Variants in CEP85L observed in about 807,000 individuals in gnomAD.
The protein encoded by CEP85L is centrosomal protein of 85 kDa-like.
CEP85L carries 60 observed loss-of-function variants against 100.3 expected under a neutral mutation model. That is an observed-to-expected ratio of 0.60 (90% CI 0.49 to 0.74). The LOEUF is 0.74. Among genes scored for constraint, CEP85L ranks in the 30% least tolerant of loss-of-function variants. The pLI is 0.00. For missense variants in CEP85L, 973 were observed against 936.2 expected (o/e 1.04, Z -0.51); for synonymous variants, 319 against 322.7 (o/e 0.99, Z 0.12).
At chr6:118,567,143 G>A (rs953514223) in intron 2 of CEP85L, among the ~76,000 whole-genome samples, 5 of 150,794 alleles carry the variant, frequency 3.3e-5, no homozygotes, top group Middle Eastern at 3.6e-3. Context: ...GTCCCAAAGG[G>A]TTCACTTCCA....
chr6:118,682,610 G>A (rs1380735901), intron 1 of CEP85L, among the ~76,000 whole-genome samples: 1 of 151,978 alleles, frequency 6.6e-6, no homozygotes, highest in Non-Finnish European at 1.5e-5. Flanking sequence ...TACCCAAAGA[G>A]CACAAGGAAC....
At chr6:118,572,672 CTATA>C (rs1397858705) in intron 2 of CEP85L, among the ~76,000 whole-genome samples, 2 of 152,046 alleles carry the variant, frequency 1.3e-5, no homozygotes, top group Admixed American at 1.3e-4. Flanking sequence ...AGGAGTGGGG[CTATA>C]TAAAGTAATT....
intron 3 of CEP85L, among the ~76,000 whole-genome samples, chr6:118,529,552 G>A (rs1334511371): frequency 7.0e-6 from 1 of 142,028 alleles, no homozygotes; most frequent in Admixed American, 7.4e-5. Context: ...ACCTTGCAGT[G>A]AGCCGAGATC....
chr6:118,626,750 AGCCT>A (rs1298254039), intron 2 of CEP85L, among the ~76,000 whole-genome samples: 1 of 152,214 alleles, frequency 6.6e-6, no homozygotes, highest in Non-Finnish European at 1.5e-5. Context: ...CGCCGCAGTC[AGCCT>A]CCACACCAAT....
chr6:118,648,547 C>G (rs931828176), intron 1 of CEP85L, among the ~76,000 whole-genome samples: 1 of 152,002 alleles, frequency 6.6e-6, no homozygotes, highest in Non-Finnish European at 1.5e-5. Flanking sequence ...CGAGACCACC[C>G]TGGGTAACAC....
chr6:118,537,398 G>A, intron 3 of CEP85L: 3 of 403,972 alleles, frequency 7.4e-6, no homozygotes, highest in Non-Finnish European at 1.0e-5. Flanking sequence ...AACTCAGGGA[G>A]CACTGGGAAG....
chr6:118,473,949 C>CT (rs917947948), intron 10 of CEP85L, among the ~76,000 whole-genome samples: 3 of 152,084 alleles, frequency 2.0e-5, no homozygotes, highest in Non-Finnish European at 4.4e-5. Context: ...AAAAAAGAGC[C>CT]TTTTTTAATG....
upstream of CEP85L, among the ~76,000 whole-genome samples, chr6:118,655,739 G>A (rs1469179585): frequency 6.6e-6 from 1 of 152,220 alleles, no homozygotes; most frequent in Non-Finnish European, 1.5e-5. Context: ...CAGTGGAAAA[G>A]GGGATTTTCA....
At chr6:118,689,472 A>G (rs369489881) in intron 1 of CEP85L, among the ~76,000 whole-genome samples, 4 of 152,348 alleles carry the variant, frequency 2.6e-5, no homozygotes, top group East Asian at 3.9e-4. Flanking sequence ...AGGAATGAGA[A>G]GAGATGGGGA....
chr6:118,652,696 T>G (rs1482125914), upstream of CEP85L: 1 of 1,536,742 alleles, frequency 6.5e-7, no homozygotes, highest in Non-Finnish European at 8.8e-7. Flanking sequence ...GTTCTATCAC[T>G]TACCACATCC....
intron 2 of CEP85L, among the ~76,000 whole-genome samples, chr6:118,599,766 G>A (rs927516642): frequency 1.3e-5 from 2 of 152,164 alleles, no homozygotes; most frequent in South Asian, 4.1e-4. Flanking sequence ...TTTCATATCT[G>A]TAGTATTCTT....
chr6:118,671,516 C>A (rs758733021), intron 1 of CEP85L, among the ~76,000 whole-genome samples: 8 of 152,116 alleles, frequency 5.3e-5, no homozygotes, highest in Non-Finnish European at 7.4e-5. Flanking sequence ...ATCAGTGACC[C>A]CTCAACCCTT....
chr6:118,572,345 A>C (rs2115032088), intron 2 of CEP85L, among the ~76,000 whole-genome samples: 1 of 151,508 alleles, frequency 6.6e-6, no homozygotes, highest in East Asian at 1.9e-4. Context: ...GACGAGGTCA[A>C]GATATCAAGA....
chr6:118,565,941 C>T lies in CEP85L; in HGVS notation c.608G>A (p.Cys203Tyr). Residue 203 changes from cysteine to tyrosine, a missense_variant, in exon 3 of 13, where the codon TGT becomes TAT. Around this residue, in one of 3 missense-constraint regions of CEP85L, gnomAD observed 890 missense variants for 844.5 expected, o/e 1.05. Coordinates refer to ENST00000368491, the MANE Select transcript of CEP85L (RefSeq NM_001042475.3). ...AAGCATCTCCATACTATCATGTAAACAGCTAGGCCCAATTGTCCTCAGTTG... is the reference window on the plus strand; with the variant it reads ...AAGCATCTCCATACTATCATGTAAATAGCTAGGCCCAATTGTCCTCAGTTG... ...TSQLRTIGPS[C>Y]LHDSMEMLRL... is the part of the protein sequence containing the mutation. The T allele has an allele frequency of 6.2e-7, 1 of 1,614,188 alleles. No individual in the cohort carries two copies. The highest frequency in any genetic ancestry group is 8.5e-7 in the Non-Finnish European group (1 of 1,180,030).
chr6:118,559,619 T>C (rs1293430929), intron 3 of CEP85L: 1 of 170,366 alleles, frequency 5.9e-6, no homozygotes, highest in Non-Finnish European at 1.4e-5. Flanking sequence ...GTAGTAACTA[T>C]CAGAATCTAC....
Position 118,651,515 on chromosome 6 carries a change from C to G in CEP85L, c.-246G>C, listed in dbSNP as rs1024413772. The G allele has an allele frequency of 7.9e-7, 1 of 1,263,400 alleles. No individual in the cohort carries two copies. The highest frequency in any genetic ancestry group is 4.3e-5 in the Admixed American group (1 of 23,248). The allele number at this position is 1,263,400 out of a possible 1,614,324, so 78.3% of individuals were successfully genotyped here. On this transcript the variant is annotated 5_prime_UTR_variant, in exon 1 of 13. Transcript: ENST00000368491. ...GGCCCGCGCCGGGGAAGCGGCGACT[C>G]GGCGGTGACGGCTGCTAGATCCCCG...
intron 2 of CEP85L, 82 bp downstream of exon 2, chr6:118,632,371 A>G: frequency 9.5e-7 from 1 of 1,054,554 alleles, no homozygotes; most frequent in Non-Finnish European, 1.4e-6. Context: ...AGTATGAAAC[A>G]ATAAAACATA....
chr6:118,689,496 T>C (rs1236286613), intron 1 of CEP85L, among the ~76,000 whole-genome samples: 3 of 152,238 alleles, frequency 2.0e-5, no homozygotes, highest in Admixed American at 6.5e-5. Context: ...CTTTTTACTA[T>C]AGAATGTAGC....
At chr6:118,561,431 A>T (rs544326913) in intron 3 of CEP85L, among the ~76,000 whole-genome samples, 12 of 152,290 alleles carry the variant, frequency 7.9e-5, no homozygotes, top group Non-Finnish European at 1.5e-4. Context: ...AGGATTACAG[A>T]ATACTATAAC....
Sources: gnomAD v4.1 joint callset for allele counts (sites outside exome capture counted in the v4.1 genomes callset) on GRCh38, gnomAD v4.1.1 for gene constraint, gnomAD v4.1.1 regional missense constraint, MANE v1.5 for transcripts, NCBI Gene and HGNC (gene_info 2026-07-23, HGNC 2026-07-21) for gene names.